The following KIRREL3 variants were observed in gnomAD, a reference collection of about 807,000 sequenced individuals.
KIRREL3 encodes the protein kin of IRRE-like protein 3.
A neutral mutation model predicts 89.7 loss-of-function variants in KIRREL3; 36 were observed. The observed-to-expected ratio is 0.40, with a 90% confidence interval of 0.31 to 0.53. KIRREL3 has a LOEUF of 0.53. Ranked by LOEUF, KIRREL3 falls within the 20% of genes least tolerant of loss-of-function variation. The pLI is 0.49. For synonymous variants in KIRREL3, 445 were observed against 441.4 expected (o/e 1.01, Z -0.10); for missense variants, 864 against 1,056.6 (o/e 0.82, Z 2.53).
In KIRREL3 at chr11:126,525,941, A is replaced by G. The variant is rs940700623; in HGVS notation, c.283+597T>C. ...CAGTGAGTTCACGTGTCAGCCATCA[A>G]CAACCATGGGAACTCTCACTGCCTG... On this transcript the variant is annotated intron_variant, in intron 3 of 16. Transcript: ENST00000525144. This position sits in a 1 kb window ranked among gnomAD's most constrained non-coding sequence, Gnocchi z 5.4. Among the ~76,000 whole-genome samples the G allele has an allele frequency of 2.6e-5, 4 of 152,230 alleles. No homozygotes were observed. The highest frequency in any genetic ancestry group is 7.2e-5 in the African/African-American group (3 of 41,460).
Position 126,739,066 on chromosome 11 carries a change from C to T in KIRREL3, c.56-176154G>A, listed in dbSNP as rs371732125. Among the ~76,000 whole-genome samples the T allele has an allele frequency of 3.3e-5, 5 of 152,192 alleles. No individual in the cohort carries two copies. The East Asian group carries it at 7.7e-4, about 23-fold the overall frequency. Reference sequence around the variant, plus strand: ...GATACAAACGGTACAAATGAAGAAACTGGCTTTCAGAGAGACCAAGTAACT... The same window carrying T: ...GATACAAACGGTACAAATGAAGAAATTGGCTTTCAGAGAGACCAAGTAACT... On this transcript the variant is annotated intron_variant, in intron 1 of 16. Transcript: ENST00000525144. The surrounding 1 kb of genome is among the most constrained non-coding windows in gnomAD (Gnocchi z 5.5).
At chr11:126,939,038 G>T (rs535454220) in intron 1 of KIRREL3, among the ~76,000 whole-genome samples, 1 of 152,266 alleles carries the variant, frequency 6.6e-6, no homozygotes, top group Admixed American at 6.5e-5. Flanking sequence ...GCCCCGCCCT[G>T]CCAGGCACAC....
intron 1 of KIRREL3, among the ~76,000 whole-genome samples, chr11:126,787,469 G>T (rs370561399): frequency 5.9e-5 from 9 of 152,102 alleles, no homozygotes; most frequent in African/African-American, 1.9e-4. Flanking sequence ...TCTCCATATT[G>T]TTTTTCTTGA....
At position 126,642,028 on chromosome 11, in the gene KIRREL3, G is replaced by A. The variant is rs7105838; in HGVS notation, c.56-79116C>T. Among the ~76,000 whole-genome samples the A allele has an allele frequency of 0.021, 3,182 of 152,244 alleles. 116 individuals carry two copies. Among genetic ancestry groups the A allele is most frequent in the African/African-American group, 0.071 (2,956 of 41,530 alleles). On this transcript the variant is annotated intron_variant, in intron 1 of 16. Coordinates refer to ENST00000525144, the MANE Select transcript of KIRREL3 (RefSeq NM_032531.4). This position sits in a 1 kb window ranked among gnomAD's most constrained non-coding sequence, Gnocchi z 4.9. ...CTTCTGAAATGCTCAGAAATGTACC[G>A]ATGTCCTTAGATGCTGCAGATGGAG...
intron 1 of KIRREL3, among the ~76,000 whole-genome samples, chr11:126,958,051 C>T (rs1248499534): frequency 1.3e-5 from 2 of 152,064 alleles, no homozygotes; most frequent in Admixed American, 1.3e-4. Context: ...TCAGGTGGAT[C>T]GAAATTGTAG....
At chr11:126,793,600 G>A (rs973840925) in intron 1 of KIRREL3, among the ~76,000 whole-genome samples, 16 of 152,208 alleles carry the variant, frequency 1.1e-4, no homozygotes, top group Admixed American at 1.0e-3. Context: ...CTCACACAGA[G>A]GAACCAAGGC....
Position 126,817,941 on chromosome 11 carries a change from A to G in KIRREL3, c.55+182514T>C, listed in dbSNP as rs1293142604. Reference sequence around the variant, plus strand: ...CTCTGGCTGAGCCACTCAGCTCTTGAATCAGAGGCTTCAGCAGGAGGAGAG... The same window carrying G: ...CTCTGGCTGAGCCACTCAGCTCTTGGATCAGAGGCTTCAGCAGGAGGAGAG... On this transcript the variant is annotated intron_variant, in intron 1 of 16. Coordinates refer to ENST00000525144, the MANE Select transcript of KIRREL3 (RefSeq NM_032531.4). The surrounding 1 kb of genome is among the most constrained non-coding windows in gnomAD (Gnocchi z 5.7). Among the ~76,000 whole-genome samples the G allele has an allele frequency of 6.6e-6, 1 of 152,200 alleles. No individual in the cohort carries two copies. The highest frequency in any genetic ancestry group is 1.5e-5 in the Non-Finnish European group (1 of 68,040).
chr11:126,546,787 C>CT (rs1032283461), intron 2 of KIRREL3, among the ~76,000 whole-genome samples: 3 of 150,458 alleles, frequency 2.0e-5, no homozygotes, highest in Admixed American at 2.0e-4. Flanking sequence ...GTGCTTTATA[C>CT]TTTTTTTCAA....
In KIRREL3 at chr11:126,527,835, A is replaced by G. The variant is rs1958809746; in HGVS notation, c.134-1148T>C. Among the ~76,000 whole-genome samples, 1 of 152,112 alleles carries G rather than the reference A, an allele frequency of 6.6e-6. No individual in the cohort carries two copies. Among genetic ancestry groups the G allele is most frequent in the South Asian group, 2.1e-4 (1 of 4,814 alleles). On this transcript the variant is annotated intron_variant, in intron 2 of 16. Transcript: ENST00000525144. The surrounding 1 kb of genome is among the most constrained non-coding windows in gnomAD (Gnocchi z 4.2). The stretch of plus-strand genomic sequence containing the variant: ...CCCTACTGAGCTATGCTGTGTGCAG[A>G]TCCCCAAGCCTGGCCTTGGAGGGAG...
At chr11:126,667,858 C>A (rs1945732505) in intron 1 of KIRREL3, among the ~76,000 whole-genome samples, 1 of 152,184 alleles carries the variant, frequency 6.6e-6, no homozygotes, top group Non-Finnish European at 1.5e-5. Flanking sequence ...GGCCACAGAT[C>A]TGGCCGATCT....
rs758343404 is a variant in KIRREL3 at position 126,683,535 on chromosome 11, G to A, written c.56-120623C>T. Reference sequence around the variant, plus strand: ...CATTTCTTTCTTATCTGCAAAATGGGAAGAGTAAGGGCACCCATCTTGGAG... The same window carrying A: ...CATTTCTTTCTTATCTGCAAAATGGAAAGAGTAAGGGCACCCATCTTGGAG... On this transcript the variant is annotated intron_variant, in intron 1 of 16. Coordinates refer to ENST00000525144, the MANE Select transcript of KIRREL3 (RefSeq NM_032531.4). This position sits in a 1 kb window ranked among gnomAD's most constrained non-coding sequence, Gnocchi z 5.2. Among the ~76,000 whole-genome samples, 1 of 152,186 alleles carries A rather than the reference G, an allele frequency of 6.6e-6. No homozygotes were observed. The highest frequency in any genetic ancestry group is 6.5e-5 in the Admixed American group (1 of 15,274).
intron 1 of KIRREL3, chr11:126,988,464 C>G (rs1010691477): frequency 2.0e-5 from 3 of 152,732 alleles, no homozygotes; most frequent in Admixed American, 1.3e-4. Context: ...ACACGGCTGT[C>G]GGGACACCAG....
At chr11:126,536,966 T>G (rs1182280840) in intron 2 of KIRREL3, among the ~76,000 whole-genome samples, 2 of 152,044 alleles carry the variant, frequency 1.3e-5, no homozygotes, top group African/African-American at 4.8e-5. Context: ...TCTCTTTCCA[T>G]CCATGCTTGG....
chr11:126,761,015 A>G lies in KIRREL3; in HGVS notation c.56-198103T>C, dbSNP rs909031799. ...CCAGGACAGATACCGTTAAACATAAATGAAAGAGGGAAGATGAAGCCCAGT... is the reference window on the plus strand; with the variant it reads ...CCAGGACAGATACCGTTAAACATAAGTGAAAGAGGGAAGATGAAGCCCAGT... On this transcript the variant is annotated intron_variant, in intron 1 of 16. Transcript: ENST00000525144. This position sits in a 1 kb window ranked among gnomAD's most constrained non-coding sequence, Gnocchi z 4.4. Among the ~76,000 whole-genome samples the G allele has an allele frequency of 6.6e-6, 1 of 152,208 alleles. No individual in the cohort carries two copies. The highest frequency in any genetic ancestry group is 1.5e-5 in the Non-Finnish European group (1 of 68,046).
intron 1 of KIRREL3, among the ~76,000 whole-genome samples, chr11:126,887,357 G>C (rs1208702144): frequency 6.6e-6 from 1 of 152,156 alleles, no homozygotes; most frequent in Admixed American, 6.5e-5. Context: ...AGATGCTTTG[G>C]GGACTGGAGG....
chr11:126,905,581 C>T lies in KIRREL3; in HGVS notation c.55+94874G>A, dbSNP rs948121. On this transcript the variant is annotated intron_variant, in intron 1 of 16. Coordinates refer to ENST00000525144, the MANE Select transcript of KIRREL3 (RefSeq NM_032531.4). This position sits in a 1 kb window ranked among gnomAD's most constrained non-coding sequence, Gnocchi z 5.0. ...ATTTTGGGCCTTATCGAACCTGTCC[C>T]GCTTGTGACCCACAAGAGCATTGCA... Among the ~76,000 whole-genome samples, 4,515 of 152,160 alleles carry T rather than the reference C, an allele frequency of 0.03. 135 individuals carry two copies. Among genetic ancestry groups the T allele is most frequent in the East Asian group, 0.13 (675 of 5,156 alleles).
At position 126,431,838 on chromosome 11, in the gene KIRREL3, G is replaced by A. The variant is rs1278396678; in HGVS notation, c.1589-312C>T. Among the ~76,000 whole-genome samples the A allele has an allele frequency of 6.6e-6, 1 of 152,170 alleles. No individual in the cohort carries two copies. The highest frequency in any genetic ancestry group is 1.5e-5 in the Non-Finnish European group (1 of 68,018). On this transcript the variant is annotated intron_variant, in intron 13 of 16. Coordinates refer to ENST00000525144, the MANE Select transcript of KIRREL3 (RefSeq NM_032531.4). The surrounding 1 kb of genome is among the most constrained non-coding windows in gnomAD (Gnocchi z 7.1). ...GGAGGGCCAGGGGACAGGAAGACCGGAGATGAGGGGTGGGGCTGGCACGAT... is the reference window on the plus strand; with the variant it reads ...GGAGGGCCAGGGGACAGGAAGACCGAAGATGAGGGGTGGGGCTGGCACGAT...
rs1264905407 is a variant in KIRREL3 at position 126,955,443 on chromosome 11, T to C, written c.55+45012A>G. Among the ~76,000 whole-genome samples the C allele has an allele frequency of 6.6e-6, 1 of 152,186 alleles. No homozygotes were observed. Among genetic ancestry groups the C allele is most frequent in the African/African-American group, 2.4e-5 (1 of 41,460 alleles). On this transcript the variant is annotated intron_variant, in intron 1 of 16. Coordinates refer to ENST00000525144, the MANE Select transcript of KIRREL3 (RefSeq NM_032531.4). The surrounding 1 kb of genome is among the most constrained non-coding windows in gnomAD (Gnocchi z 4.6). ...GGAAAGTGCTTTGGAAGAAATGCCC[T>C]GGCCGCCCATGGGCCGGGATCTTCC... is the stretch of plus-strand genomic sequence containing the variant.
intron 1 of KIRREL3, among the ~76,000 whole-genome samples, chr11:126,925,092 AAGGTCGGGGGGGGGGGGGGGCTGTT>A (rs1947645658): frequency 3.4e-5 from 1 of 29,426 alleles, no homozygotes; most frequent in African/African-American, 1.2e-4. Context: ...TCACCATAAA[AAGGTCGGGGGGGGGGGGGGGCTGTT>A]GGTCACAGGA....
Sources: gnomAD v4.1 joint callset for allele counts (sites outside exome capture counted in the v4.1 genomes callset) on GRCh38, gnomAD v4.1.1 for gene constraint, Gnocchi (gnomAD v3.1) non-coding constraint, MANE v1.5 for transcripts, NCBI Gene and HGNC (gene_info 2026-07-23, HGNC 2026-07-21) for gene names.